Variants in EHMT1 observed in about 807,000 individuals in gnomAD.
EHMT1 encodes euchromatic histone lysine methyltransferase 1, also known as histone-lysine N-methyltransferase EHMT1.
A neutral mutation model predicts 147.2 loss-of-function variants in EHMT1; 15 were observed. That is an observed-to-expected ratio of 0.10 (90% CI 0.07 to 0.16). The LOEUF (loss-of-function observed/expected upper bound fraction) is 0.16. EHMT1 is among the 10% of genes least tolerant of loss of function. The pLI, the probability that EHMT1 is intolerant of heterozygous loss-of-function variation, is 1.00. For synonymous variants in EHMT1, 795 were observed against 709.6 expected (o/e 1.12, Z -1.91); for missense variants, 1,587 against 1,772.4 (o/e 0.90, Z 1.88).
chr9:137,789,393 C>T (rs1233743850), intron 15 of EHMT1, among the ~76,000 whole-genome samples: 3 of 152,264 alleles, frequency 2.0e-5, no homozygotes, highest in African/African-American at 7.2e-5. Flanking sequence ...GGGGAGCAGC[C>T]TCTGTGTGCT....
At chr9:137,709,734 A>T (rs1165396889) in intron 1 of EHMT1, among the ~76,000 whole-genome samples, 3 of 152,082 alleles carry the variant, frequency 2.0e-5, no homozygotes, top group Non-Finnish European at 4.4e-5. Flanking sequence ...CAGCTGTCTG[A>T]CTGGCTGCTC....
At chr9:137,629,652 C>T (rs1843494029) in intron 1 of EHMT1, among the ~76,000 whole-genome samples, 1 of 152,190 alleles carries the variant, frequency 6.6e-6, no homozygotes, top group African/African-American at 2.4e-5. Context: ...CTCTGCCTCC[C>T]AAAGTGCTGA....
At chr9:137,697,234 T>A in intron 1 of EHMT1, 1 of 256,668 alleles carries the variant, frequency 3.9e-6, no homozygotes, top group South Asian at 3.0e-5. Context: ...TGAGCCGAGA[T>A]GGTGCCACTG....
chr9:137,801,790 G>A (rs1322414997), intron 18 of EHMT1, among the ~76,000 whole-genome samples: 2 of 152,014 alleles, frequency 1.3e-5, no homozygotes, highest in African/African-American at 4.8e-5. Context: ...GAGCCACTGC[G>A]CCCGGCCAAT....
intron 18 of EHMT1, among the ~76,000 whole-genome samples, chr9:137,805,756 G>A (rs1345843473): frequency 6.6e-6 from 1 of 151,316 alleles, no homozygotes; most frequent in South Asian, 2.1e-4. Context: ...TCCGCCTCCC[G>A]GGTTCGAGCT....
chr9:137,639,355 TAA>T (rs1844317873), intron 1 of EHMT1, among the ~76,000 whole-genome samples: 1 of 152,244 alleles, frequency 6.6e-6, no homozygotes, highest in Non-Finnish European at 1.5e-5. Context: ...TTGATAGTAT[TAA>T]GTCTTCCTTA....
intron 1 of EHMT1, among the ~76,000 whole-genome samples, chr9:137,673,480 G>C (rs1564568860): frequency 6.6e-6 from 1 of 152,216 alleles, no homozygotes; most frequent in Non-Finnish European, 1.5e-5. Context: ...CAGGGCAGCT[G>C]TGTCCAGCTG....
chr9:137,716,808 C>G lies in EHMT1; in HGVS notation c.268C>G (p.Arg90Gly), dbSNP rs568424578. The change falls in exon 3 of 27, where the codon CGG (arginine) becomes GGG (glycine). Residue 90 changes from arginine to glycine, a missense_variant. This residue lies in a region of EHMT1 where 810 missense variants were observed against 673.0 expected (regional missense o/e 1.20). Coordinates refer to ENST00000460843, the MANE Select transcript of EHMT1 (RefSeq NM_024757.5). ...NPQDGTNTLT[R>G]IAENGVSERD... ...CCAGGATGGCACCAACACACTAACT[C>G]GGATAGCGGAAAATGGGGTTTCAGA... The G allele has an allele frequency of 6.2e-7, 1 of 1,613,134 alleles. No individual in the cohort carries two copies. The highest frequency in any genetic ancestry group is 1.3e-5 in the African/African-American group (1 of 74,846).
intron 1 of EHMT1, 39 bp downstream of exon 1, chr9:137,619,088 CG>C: frequency 2.9e-6 from 2 of 696,142 alleles, no homozygotes; most frequent in Non-Finnish European, 3.5e-6. Flanking sequence ...GCGGGGGCGG[CG>C]GGCAGCGGCG....
At chr9:137,674,376 A>G (rs1254965306) in intron 1 of EHMT1, among the ~76,000 whole-genome samples, 1 of 152,032 alleles carries the variant, frequency 6.6e-6, no homozygotes, top group Admixed American at 6.5e-5. Context: ...ATAAATTAAA[A>G]CCCACAGTAA....
At chr9:137,801,705 GC>G (rs1333960308) in intron 18 of EHMT1, among the ~76,000 whole-genome samples, 3 of 152,146 alleles carry the variant, frequency 2.0e-5, no homozygotes, top group South Asian at 4.2e-4. Flanking sequence ...TACCGTGTTG[GC>G]CAGACTGGTC....
intron 10 of EHMT1, chr9:137,763,131 A>G (rs1949962247): frequency 3.5e-6 from 2 of 569,260 alleles, no homozygotes; most frequent in Non-Finnish European, 3.1e-6. Context: ...AAACAAAGTG[A>G]GTAGATTGAG....
Position 137,836,092 on chromosome 9 carries a change from C to G in EHMT1, c.*1139C>G, listed in dbSNP as rs938935952. The G allele has an allele frequency of 4.6e-5, 7 of 152,274 alleles. No individual in the cohort carries two copies. Among genetic ancestry groups the G allele is most frequent in the African/African-American group, 1.7e-4 (7 of 41,374 alleles). 9.4% of individuals were successfully genotyped at this position (152,274 alleles called of 1,614,324 possible). On this transcript the variant is annotated 3_prime_UTR_variant, in exon 27 of 27. Coordinates refer to ENST00000460843, the MANE Select transcript of EHMT1 (RefSeq NM_024757.5). The stretch of plus-strand genomic sequence containing the variant: ...GCTCTGACCATTTCTTGTTCTGTTT[C>G]CAATGAAATCAATAAAAAAAAAGAA...
In EHMT1 at chr9:137,629,455, G is replaced by T. The variant is rs182087178; in HGVS notation, c.21+10406G>T. On this transcript the variant is annotated intron_variant, in intron 1 of 26. Coordinates refer to ENST00000460843, the MANE Select transcript of EHMT1 (RefSeq NM_024757.5). ...GTTGCCCAGGCTGGAGTGCAGTGGC[G>T]TGATCTCGGCTCACTGCAAGCTCCG... Among the ~76,000 whole-genome samples, 45 of 151,516 alleles carry T rather than the reference G, an allele frequency of 3.0e-4. 1 individual carries two copies. Among genetic ancestry groups the T allele is most frequent in the African/African-American group, 1.1e-3 (44 of 41,250 alleles).
At chr9:137,690,327 C>G (rs910275546) in intron 1 of EHMT1, among the ~76,000 whole-genome samples, 2 of 152,042 alleles carry the variant, frequency 1.3e-5, no homozygotes, top group African/African-American at 4.8e-5. Flanking sequence ...TAGAGATCAA[C>G]TTTATGAGCT....
intron 1 of EHMT1, among the ~76,000 whole-genome samples, chr9:137,661,486 CTTTT>C (rs1195276514): frequency 2.2e-5 from 3 of 133,928 alleles, no homozygotes; most frequent in Admixed American, 1.5e-4. Flanking sequence ...TTTTGTACAT[CTTTT>C]TTTTTTTTTT....
In EHMT1 at chr9:137,834,570, G is replaced by C. The variant is rs370948022; in HGVS notation, c.3716+46G>C. 243 of 1,606,572 alleles carry C rather than the reference G, an allele frequency of 1.5e-4. 1 individual carries two copies. Among genetic ancestry groups the C allele is most frequent in the Middle Eastern group, 8.3e-4 (5 of 6,030 alleles). Reference sequence around the variant, plus strand: ...TGGCCATCTCCGCTGCCGGCGGGACGGTTTTAGGAACGGGGCTCGCATTGC... The same window carrying C: ...TGGCCATCTCCGCTGCCGGCGGGACCGTTTTAGGAACGGGGCTCGCATTGC... On this transcript the variant is annotated intron_variant, in intron 26 of 26. Transcript: ENST00000460843.
chr9:137,778,518 G>T (rs1951132908), intron 13 of EHMT1, among the ~76,000 whole-genome samples: 1 of 152,208 alleles, frequency 6.6e-6, no homozygotes, highest in Non-Finnish European at 1.5e-5. Context: ...AGGCAGACCA[G>T]ACTGTGGCAG....
rs575445723 is a variant in EHMT1, at chr9:137,716,663, A to T, written c.123A>T (p.Lys41Asn). ...PMAADEGSAE[K>N]QAGEAHMAAD... ...CTGCCGATGAAGGCTCAGCAGAGAA[A>T]CAGGCAGGAGAGGCCCACATGGCTG... The change falls in exon 3 of 27, where the codon AAA (lysine) becomes AAT (asparagine). Residue 41 changes from lysine (K) to asparagine (N), a missense_variant. Lys to Asn is a moderately conservative substitution (Grantham distance 94). Transcript: ENST00000460843. 37 of 1,593,432 alleles carry T rather than the reference A, an allele frequency of 2.3e-5. No homozygotes were observed. Among genetic ancestry groups the T allele is most frequent in the Non-Finnish European group, 3.1e-5 (36 of 1,167,104 alleles).
Sources: allele counts gnomAD v4.1 joint callset (sites outside exome capture counted in the v4.1 genomes callset), GRCh38; gene constraint gnomAD v4.1.1; regional missense constraint gnomAD v4.1.1; transcripts MANE v1.5; gene names NCBI Gene and HGNC (gene_info 2026-07-23, HGNC 2026-07-21).